The following CSGALNACT1 variants were observed in gnomAD, a reference collection of about 807,000 sequenced individuals.
CSGALNACT1 encodes the protein chondroitin sulfate N-acetylgalactosaminyltransferase 1.
In CSGALNACT1, 52 loss-of-function variants were observed where a neutral mutation model predicts 51.0. The ratio of observed to expected loss-of-function variants is 1.02; its 90% CI spans 0.82 to 1.29. CSGALNACT1 has a LOEUF of 1.29. Among genes scored for constraint, CSGALNACT1 ranks in the 50% most tolerant of loss-of-function variants. The pLI is 0.00. For synonymous variants in CSGALNACT1, 341 were observed against 254.4 expected, an observed-to-expected ratio of 1.34 and a Z score of -3.24; for missense variants, 935 against 679.2, an observed-to-expected ratio of 1.38 and a Z score of -4.19.
At chr8:19,738,364 T>C (rs1589768187) in intron 1 of CSGALNACT1, among the ~76,000 whole-genome samples, 1 of 152,104 alleles carries the variant, frequency 6.6e-6, no homozygotes. Flanking sequence ...GTAAGTGAAA[T>C]AAACCATTCA....
At chr8:19,613,465 G>A (rs2052584448) in intron 1 of CSGALNACT1, among the ~76,000 whole-genome samples, 1 of 152,084 alleles carries the variant, frequency 6.6e-6, no homozygotes, top group African/African-American at 2.4e-5. Flanking sequence ...CTAACTTTTT[G>A]CTTGATGTCT....
chr8:19,543,751 G>A (rs1316287097), intron 3 of CSGALNACT1, among the ~76,000 whole-genome samples: 3 of 152,184 alleles, frequency 2.0e-5, no homozygotes, highest in African/African-American at 2.4e-5. Context: ...TGGTGACACT[G>A]TATGCATTCT....
At position 19,405,087 on chromosome 8, in the gene CSGALNACT1, T is replaced by C. The variant is rs557644037; in HGVS notation, c.*693A>G. 5.3e-5 allele frequency: 24 copies of C among 453,748 alleles called. No individual in the cohort carries two copies. In the Admixed American group the frequency reaches 5.6e-4, roughly 11 times the overall value. 28.1% of individuals were successfully genotyped at this position (453,748 alleles called of 1,614,324 possible). ...TAAAAATGTAGGCCAACTTGTGCTC[T>C]CTTGTAAGGCTTGCAAAGTGGTAAT... On this transcript the variant is annotated 3_prime_UTR_variant, in exon 10 of 10. Transcript: ENST00000454498.
At chr8:19,472,327 A>T (rs2153871108) in intron 4 of CSGALNACT1, among the ~76,000 whole-genome samples, 2 of 152,320 alleles carry the variant, frequency 1.3e-5, no homozygotes, top group South Asian at 4.1e-4. Context: ...CAGGAACCAA[A>T]AGGTCAAAGA....
intron 3 of CSGALNACT1, among the ~76,000 whole-genome samples, chr8:19,526,771 A>T (rs1333285677): frequency 2.0e-5 from 3 of 152,178 alleles, no homozygotes; most frequent in Admixed American, 2.0e-4. Flanking sequence ...CAAACAAACG[A>T]CTACTTCTCC....
At chr8:19,412,828 C>T (rs565922838) in intron 8 of CSGALNACT1, among the ~76,000 whole-genome samples, 100 of 152,118 alleles carry the variant, frequency 6.6e-4, no homozygotes, top group African/African-American at 1.9e-3. Context: ...GGCTGGGGGC[C>T]CCCAGCCCAG....
At chr8:19,745,272 T>A (rs1313488826) in intron 1 of CSGALNACT1, among the ~76,000 whole-genome samples, 1 of 152,220 alleles carries the variant, frequency 6.6e-6, no homozygotes, top group African/African-American at 2.4e-5. Flanking sequence ...AAAAACCAAC[T>A]ATTCACCCCT....
intron 1 of CSGALNACT1, among the ~76,000 whole-genome samples, chr8:19,640,156 G>A (rs1254825634): frequency 6.6e-6 from 1 of 152,160 alleles, no homozygotes; most frequent in East Asian, 1.9e-4. Context: ...CAATGATACT[G>A]TAGTGAGCAA....
At chr8:19,521,970 G>A (rs1015554359) in intron 3 of CSGALNACT1, among the ~76,000 whole-genome samples, 1 of 152,178 alleles carries the variant, frequency 6.6e-6, no homozygotes, top group Non-Finnish European at 1.5e-5. Context: ...TCCACATCTT[G>A]TATTTCCCTT....
intron 8 of CSGALNACT1, among the ~76,000 whole-genome samples, chr8:19,412,543 C>G (rs2056027731): frequency 6.6e-6 from 1 of 152,198 alleles, no homozygotes; most frequent in Admixed American, 6.5e-5. Flanking sequence ...CGCCTCCTTT[C>G]AATCAGAGTC....
At chr8:19,566,823 C>T (rs1036626686) in intron 3 of CSGALNACT1, among the ~76,000 whole-genome samples, 3 of 152,128 alleles carry the variant, frequency 2.0e-5, no homozygotes, top group Non-Finnish European at 2.9e-5. Context: ...CAACGATTCA[C>T]GGAGTCTTAG....
At chr8:19,755,189 G>T (rs183156330) in intron 1 of CSGALNACT1, among the ~76,000 whole-genome samples, 1 of 152,220 alleles carries the variant, frequency 6.6e-6, no homozygotes, top group Admixed American at 6.5e-5. Flanking sequence ...AACAGAGCTA[G>T]AGCAACATGA....
At chr8:19,586,617 T>C (rs1023155162) in intron 3 of CSGALNACT1, among the ~76,000 whole-genome samples, 3 of 152,110 alleles carry the variant, frequency 2.0e-5, no homozygotes, top group African/African-American at 7.2e-5. Flanking sequence ...TGAGAAACAC[T>C]GGCTTAGTCT....
chr8:19,722,346 A>G (rs961037866), intron 1 of CSGALNACT1, among the ~76,000 whole-genome samples: 1 of 152,174 alleles, frequency 6.6e-6, no homozygotes, highest in Non-Finnish European at 1.5e-5. Flanking sequence ...ATGTTTTATG[A>G]TGCCTTTAGC....
chr8:19,699,292 T>G (rs1436433660), intron 1 of CSGALNACT1, among the ~76,000 whole-genome samples: 1 of 152,234 alleles, frequency 6.6e-6, no homozygotes, highest in Non-Finnish European at 1.5e-5. Flanking sequence ...GCCAAGTGTA[T>G]ACCCAAAAGA....
chr8:19,418,063 A>G (rs771705714), intron 8 of CSGALNACT1, among the ~76,000 whole-genome samples: 2 of 152,138 alleles, frequency 1.3e-5, no homozygotes, highest in African/African-American at 2.4e-5. Flanking sequence ...AAGTCCTTCC[A>G]ATATTCCTTT....
rs62496183 is a variant in CSGALNACT1 at position 19,461,731 on chromosome 8, G to A, written c.635-3089C>T. On this transcript the variant is annotated intron_variant, in intron 4 of 9. Coordinates refer to ENST00000454498, the Ensembl canonical transcript of CSGALNACT1. ...AGCACACACATTCACCATGGAGGGC[G>A]TATCCGCACAGCGGCCACATTCACC... is the stretch of plus-strand genomic sequence containing the variant. Among the ~76,000 whole-genome samples, 100 of 45,748 alleles carry A rather than the reference G, an allele frequency of 2.2e-3. 1 individual carries two copies. In the East Asian group the frequency reaches 0.04, roughly 18 times the overall value. 30.0% of individuals were successfully genotyped at this position (45,748 alleles called of 152,430 possible).
At chr8:19,478,603 T>A (rs2070471140) in intron 4 of CSGALNACT1, among the ~76,000 whole-genome samples, 1 of 152,014 alleles carries the variant, frequency 6.6e-6, no homozygotes, top group African/African-American at 2.4e-5. Context: ...TGCAAGGAGG[T>A]AACATCATTC....
upstream of CSGALNACT1, among the ~76,000 whole-genome samples, chr8:19,685,810 C>A (rs1994789): frequency 1.5e-4 from 23 of 151,964 alleles, no homozygotes; most frequent in African/African-American, 5.6e-4. Flanking sequence ...GACATACCAA[C>A]GAGAAGGAGT....
Sources: gnomAD v4.1 joint callset for allele counts (sites outside exome capture counted in the v4.1 genomes callset) on GRCh38, gnomAD v4.1.1 for gene constraint, MANE v1.5 for transcripts, NCBI Gene and HGNC (gene_info 2026-07-23, HGNC 2026-07-21) for gene names.